Variants in FARP1 observed in about 807,000 individuals in gnomAD.
FARP1 encodes FERM, ARH/RhoGEF and pleckstrin domain protein 1.
In FARP1, 52 loss-of-function variants were observed where a neutral mutation model predicts 128.8. That is an observed-to-expected ratio of 0.40 (90% CI 0.32 to 0.51). The LOEUF (loss-of-function observed/expected upper bound fraction) is 0.51. Among genes scored for constraint, FARP1 ranks in the 20% least tolerant of loss-of-function variants. The probability of loss-of-function intolerance (pLI) is 0.45; values close to 1 mark genes in which losing one functional copy is unlikely to be tolerated. For missense variants in FARP1, 1,333 were observed against 1,367.9 expected (o/e 0.97, Z 0.40); for synonymous variants, 580 against 551.8 (o/e 1.05, Z -0.72).
chr13:98,193,161 G>A (rs376520667), intron 1 of FARP1, among the ~76,000 whole-genome samples: 168 of 151,874 alleles, frequency 1.1e-3, no homozygotes, highest in African/African-American at 2.2e-3. Flanking sequence ...GGGTTCAAGC[G>A]ATTCTTCTGC....
intron 2 of FARP1, among the ~76,000 whole-genome samples, chr13:98,222,850 A>G (rs1433550274): frequency 7.4e-6 from 1 of 135,648 alleles, no homozygotes; most frequent in East Asian, 2.1e-4. Context: ...GTTGGCCAGG[A>G]TGGTCTTGGT....
At chr13:98,360,704 C>T (rs1328423227) in intron 3 of FARP1, among the ~76,000 whole-genome samples, 1 of 152,184 alleles carries the variant, frequency 6.6e-6, no homozygotes, top group Admixed American at 6.5e-5. Context: ...CTGGCAGAGG[C>T]GCCTGGATTC....
At chr13:98,151,660 C>CTTTTTTTT (rs34250002) in intron 1 of FARP1, among the ~76,000 whole-genome samples, 1,592 of 69,070 alleles carry the variant, frequency 0.023, 443 homozygotes, top group East Asian at 0.1. Context: ...TATCTTCCAT[C>CTTTTTTTT]TTTTTTTTTT....
chr13:98,435,190 C>T (rs1476359993), intron 18 of FARP1, among the ~76,000 whole-genome samples: 2 of 152,096 alleles, frequency 1.3e-5, no homozygotes, highest in African/African-American at 4.8e-5. Context: ...TTTTCTATGG[C>T]CTCTTTGTGC....
intron 1 of FARP1, among the ~76,000 whole-genome samples, chr13:98,187,275 T>C (rs564088823): frequency 2.0e-5 from 3 of 152,234 alleles, no homozygotes; most frequent in Non-Finnish European, 2.9e-5. Flanking sequence ...TCTTTGGTGA[T>C]GGTGTTCTTT....
chr13:98,282,196 T>G (rs1214659045), intron 2 of FARP1, among the ~76,000 whole-genome samples: 1 of 151,964 alleles, frequency 6.6e-6, no homozygotes, highest in Non-Finnish European at 1.5e-5. Context: ...TCCAGTTACT[T>G]GGGAGGCTGA....
chr13:98,222,046 TG>T (rs1245757094), intron 2 of FARP1, among the ~76,000 whole-genome samples: 1 of 152,238 alleles, frequency 6.6e-6, no homozygotes, highest in Non-Finnish European at 1.5e-5. Flanking sequence ...TGACTTAGTT[TG>T]GGATTTCTCT....
chr13:98,245,188 C>T (rs1356792815), intron 2 of FARP1: 27 of 989,478 alleles, frequency 2.7e-5, no homozygotes, highest in Admixed American at 1.1e-4. Context: ...ACCTCATTTA[C>T]CATATTACTG....
At chr13:98,245,271 T>C in intron 2 of FARP1, 1 of 984,998 alleles carries the variant, frequency 1.0e-6, no homozygotes. Context: ...TGTAAAGCCA[T>C]TTAGAAAGGC....
At chr13:98,156,173 T>G (rs1876485132) in intron 1 of FARP1, among the ~76,000 whole-genome samples, 1 of 152,214 alleles carries the variant, frequency 6.6e-6, no homozygotes, top group Admixed American at 6.6e-5. Flanking sequence ...TGATCAGTGT[T>G]TTTTAAGATT....
intron 13 of FARP1, chr13:98,404,821 TG>T (rs1457767331): frequency 6.6e-6 from 1 of 152,212 alleles, no homozygotes; most frequent in Non-Finnish European, 1.5e-5. Flanking sequence ...AAATTGAGAA[TG>T]CAATCAGTAG....
At chr13:98,364,391 G>A (rs569389364) in intron 3 of FARP1, among the ~76,000 whole-genome samples, 1 of 152,234 alleles carries the variant, frequency 6.6e-6, no homozygotes, top group African/African-American at 2.4e-5. Flanking sequence ...TTAATGGGTG[G>A]AAATGGTATT....
chr13:98,149,761 G>A (rs1208217304), intron 1 of FARP1, among the ~76,000 whole-genome samples: 9 of 107,628 alleles, frequency 8.4e-5, no homozygotes, highest in Non-Finnish European at 1.6e-4. Context: ...TTTTTGAGAC[G>A]GAGTCTTACT....
intron 2 of FARP1, among the ~76,000 whole-genome samples, chr13:98,278,821 T>C (rs1041833029): frequency 5.4e-5 from 7 of 128,760 alleles, no homozygotes; most frequent in African/African-American, 7.9e-5. Context: ...CATTTTAATG[T>C]TATTTATTTA....
chr13:98,307,621 G>A (rs547521412), intron 2 of FARP1, among the ~76,000 whole-genome samples: 30 of 152,170 alleles, frequency 2.0e-4, no homozygotes, highest in African/African-American at 6.0e-4. Flanking sequence ...TCCTTCTCCC[G>A]AGGCCACACC....
chr13:98,227,049 T>G (rs1881828334), intron 2 of FARP1, among the ~76,000 whole-genome samples: 1 of 152,148 alleles, frequency 6.6e-6, no homozygotes, highest in African/African-American at 2.4e-5. Flanking sequence ...CACGTCATTC[T>G]CTAGCCTCAG....
chr13:98,386,252 A>C (rs1386786424), intron 8 of FARP1, among the ~76,000 whole-genome samples: 1 of 146,178 alleles, frequency 6.8e-6, no homozygotes, highest in East Asian at 2.0e-4. Flanking sequence ...TCGGGACTTC[A>C]GATATACTTA....
chr13:98,364,029 C>T (rs573369105), intron 3 of FARP1, among the ~76,000 whole-genome samples: 3 of 152,272 alleles, frequency 2.0e-5, no homozygotes, highest in South Asian at 2.1e-4. Context: ...TGTCAGCCAC[C>T]GCACCTGGCC....
intron 2 of FARP1, among the ~76,000 whole-genome samples, chr13:98,330,334 A>T (rs1416037090): frequency 6.6e-6 from 1 of 152,202 alleles, no homozygotes; most frequent in Admixed American, 6.5e-5. Flanking sequence ...TGTCTGATTT[A>T]AAGTAGAAGA....
Sources: allele counts gnomAD v4.1 joint callset (sites outside exome capture counted in the v4.1 genomes callset), GRCh38; gene constraint gnomAD v4.1.1; transcripts MANE v1.5; gene names NCBI Gene and HGNC (gene_info 2026-07-23, HGNC 2026-07-21).